PTPRD: variants seen among roughly 807,000 people sequenced by gnomAD.
The protein encoded by PTPRD is protein tyrosine phosphatase receptor type D.
A neutral mutation model predicts 214.5 loss-of-function variants in PTPRD; 34 were observed. The ratio of observed to expected loss-of-function variants is 0.16; its 90% CI spans 0.12 to 0.21. The LOEUF is 0.21. PTPRD is among the 10% of genes least tolerant of loss of function. The pLI, the probability that PTPRD is intolerant of heterozygous loss-of-function variation, is 1.00. For missense variants in PTPRD, 2,545 were observed against 2,398.7 expected (o/e 1.06, Z -1.27); for synonymous variants, 1,128 against 845.7 (o/e 1.33, Z -5.79).
chr9:10,449,851 T>C (rs926872848), intron 2 of PTPRD, among the ~76,000 whole-genome samples: 13 of 151,788 alleles, frequency 8.6e-5, no homozygotes, highest in Admixed American at 6.5e-4. Flanking sequence ...ACTGTGTCTG[T>C]ATAGAAAGAA....
chr9:9,102,829 A>G (rs1470186276), intron 10 of PTPRD, among the ~76,000 whole-genome samples: 1 of 152,248 alleles, frequency 6.6e-6, no homozygotes, highest in Admixed American at 6.5e-5. Flanking sequence ...AAAAAATAAG[A>G]AAACAAAAAC....
chr9:8,389,262 G>T lies in PTPRD; in HGVS notation c.4356C>A (p.Val1452=), dbSNP rs1217467638. ...ATCTTTCTTCTAGTTTTGTCATCAT[G>T]ACAACTGTGGCACTCCGTTGTTCCC... ...MIWEQRSATV[V]MMTKLEERSR... is the part of the protein sequence containing the mutation. The change falls in exon 37 of 46, where the codon GTC becomes GTA. Residue 1452 remains valine, a synonymous_variant. Coordinates refer to ENST00000381196, the MANE Select transcript of PTPRD (RefSeq NM_002839.4). 4 of 1,610,894 alleles carry T rather than the reference G, an allele frequency of 2.5e-6. No homozygotes were observed. In the African/African-American group the frequency reaches 5.4e-5, roughly 22 times the overall value.
intron 12 of PTPRD, among the ~76,000 whole-genome samples, chr9:8,646,275 C>T (rs1335061227): frequency 6.6e-6 from 1 of 152,316 alleles, no homozygotes; most frequent in African/African-American, 2.4e-5. Flanking sequence ...TTACACTTTA[C>T]TATGGATCCT....
At chr9:9,941,983 A>C (rs1047702782) in intron 4 of PTPRD, among the ~76,000 whole-genome samples, 4 of 152,220 alleles carry the variant, frequency 2.6e-5, no homozygotes, top group Non-Finnish European at 4.4e-5. Context: ...CTGAAAGCCC[A>C]GCCAAAAGTT....
chr9:8,861,001 A>G (rs2098091965), intron 11 of PTPRD: 1 of 152,194 alleles, frequency 6.6e-6, no homozygotes. Context: ...GGAAAAATGA[A>G]GCAATAGGAC....
intron 11 of PTPRD, among the ~76,000 whole-genome samples, chr9:8,923,796 G>T (rs921812574): frequency 6.6e-6 from 1 of 152,134 alleles, no homozygotes; most frequent in African/African-American, 2.4e-5. Flanking sequence ...GGCTCTACGT[G>T]CCAGATGGAG....
chr9:9,327,486 A>G (rs2040448833), intron 9 of PTPRD, among the ~76,000 whole-genome samples: 1 of 152,184 alleles, frequency 6.6e-6, no homozygotes, highest in African/African-American at 2.4e-5. Context: ...ATGTTTTCAG[A>G]GAAATTTGCA....
chr9:8,551,248 T>G (rs2140773521), intron 14 of PTPRD, among the ~76,000 whole-genome samples: 1 of 152,330 alleles, frequency 6.6e-6, no homozygotes, highest in African/African-American at 2.4e-5. Flanking sequence ...TATTTTGTAA[T>G]TAAATTTTTT....
chr9:10,215,683 T>C (rs1564579352), intron 3 of PTPRD, among the ~76,000 whole-genome samples: 1 of 152,000 alleles, frequency 6.6e-6, no homozygotes, highest in Non-Finnish European at 1.5e-5. Flanking sequence ...TGCATATCAA[T>C]AAATATGTGA....
intron 3 of PTPRD, among the ~76,000 whole-genome samples, chr9:10,144,914 G>A (rs979128858): frequency 2.0e-5 from 3 of 151,770 alleles, no homozygotes; most frequent in Non-Finnish European, 2.9e-5. Context: ...TTAAACTACA[G>A]CATTGTACTA....
At chr9:8,660,936 A>T (rs925426788) in intron 12 of PTPRD, among the ~76,000 whole-genome samples, 9 of 152,064 alleles carry the variant, frequency 5.9e-5, no homozygotes, top group Admixed American at 2.6e-4. Context: ...ACCTCAGAAA[A>T]TCACATGAGA....
At chr9:9,755,003 G>T (rs1025315814) in intron 6 of PTPRD, among the ~76,000 whole-genome samples, 1 of 152,038 alleles carries the variant, frequency 6.6e-6, no homozygotes, top group Admixed American at 6.6e-5. Flanking sequence ...CGAATCAGCT[G>T]CTTTGATGTA....
intron 10 of PTPRD, among the ~76,000 whole-genome samples, chr9:9,148,409 T>C (rs2099872253): frequency 6.6e-6 from 1 of 152,126 alleles, no homozygotes; most frequent in South Asian, 2.1e-4. Flanking sequence ...TAATTATATG[T>C]GGAAATAAAA....
At chr9:10,350,961 T>C (rs181203765) in intron 2 of PTPRD, among the ~76,000 whole-genome samples, 3 of 152,022 alleles carry the variant, frequency 2.0e-5, no homozygotes, top group Non-Finnish European at 4.4e-5. Context: ...CAGTGAGCTA[T>C]GATAATAGCA....
intron 8 of PTPRD, among the ~76,000 whole-genome samples, chr9:9,559,745 C>T (rs2082419820): frequency 6.6e-6 from 1 of 152,206 alleles, no homozygotes; most frequent in South Asian, 2.1e-4. Flanking sequence ...AGTTCCAGTT[C>T]TGTTGTCAAG....
At chr9:9,248,781 A>G (rs1379225508) in intron 9 of PTPRD, among the ~76,000 whole-genome samples, 1 of 152,088 alleles carries the variant, frequency 6.6e-6, no homozygotes, top group East Asian at 1.9e-4. Context: ...AAAAGGCACA[A>G]TTCTATCAAA....
At chr9:9,531,994 G>C (rs1479826439) in intron 8 of PTPRD, among the ~76,000 whole-genome samples, 1 of 145,864 alleles carries the variant, frequency 6.9e-6, no homozygotes. Context: ...ACATTAAAAT[G>C]TTTTACCAAT....
intron 35 of PTPRD, among the ~76,000 whole-genome samples, chr9:8,411,130 T>C (rs1387240612): frequency 1.3e-5 from 2 of 151,968 alleles, no homozygotes; most frequent in Non-Finnish European, 2.9e-5. Context: ...CATGAGGTAC[T>C]CTCTAGAATT....
chr9:9,855,626 A>G (rs1350126674), intron 5 of PTPRD, among the ~76,000 whole-genome samples: 1 of 152,168 alleles, frequency 6.6e-6, no homozygotes, highest in African/African-American at 2.4e-5. Context: ...CGGGAACTGG[A>G]GTGCAGAAGC....
Sources: gnomAD v4.1 joint callset for allele counts (sites outside exome capture counted in the v4.1 genomes callset) on GRCh38, gnomAD v4.1.1 for gene constraint, MANE v1.5 for transcripts, NCBI Gene and HGNC (gene_info 2026-07-23, HGNC 2026-07-21) for gene names.